Variants in ZFHX3 observed in about 807,000 individuals in gnomAD.
The protein encoded by ZFHX3 is zinc finger homeobox 3.
A neutral mutation model predicts 279.1 loss-of-function variants in ZFHX3; 42 were observed. The observed-to-expected ratio is 0.15, with a 90% CI of 0.12 to 0.19. The LOEUF is 0.19. Among genes scored for constraint, ZFHX3 ranks in the 10% least tolerant of loss-of-function variants. The pLI is 1.00. For missense variants in ZFHX3, 4,981 were observed against 4,754.0 expected (o/e 1.05, Z -1.40); for synonymous variants, 2,293 against 1,957.8 (o/e 1.17, Z -4.52).
intron 2 of ZFHX3, among the ~76,000 whole-genome samples, chr16:73,501,919 G>A (rs1448130080): frequency 6.6e-6 from 1 of 152,098 alleles, no homozygotes; most frequent in Non-Finnish European, 1.5e-5. Flanking sequence ...GAAGGACTTT[G>A]CAGAGGAAAG....
At chr16:73,017,474 C>G (rs976503856) in intron 1 of ZFHX3, among the ~76,000 whole-genome samples, 1 of 152,068 alleles carries the variant, frequency 6.6e-6, no homozygotes, top group Non-Finnish European at 1.5e-5. Context: ...TGGTGCCCTT[C>G]GCCAAGTCAT....
At chr16:73,265,267 G>T (rs979837290) in intron 4 of ZFHX3, among the ~76,000 whole-genome samples, 1 of 152,134 alleles carries the variant, frequency 6.6e-6, no homozygotes, top group African/African-American at 2.4e-5. Flanking sequence ...GGGCGGAATC[G>T]GCTGGGGATC....
chr16:73,575,325 A>G (rs1196006436), intron 2 of ZFHX3, among the ~76,000 whole-genome samples: 1 of 152,238 alleles, frequency 6.6e-6, no homozygotes, highest in South Asian at 2.1e-4. Context: ...GAAGCTGTGT[A>G]AGGAGTTGCT....
intron 1 of ZFHX3, among the ~76,000 whole-genome samples, chr16:73,797,897 T>C (rs1250234978): frequency 1.5e-5 from 2 of 137,914 alleles, no homozygotes; most frequent in Admixed American, 1.6e-4. Flanking sequence ...TCACTCAACC[T>C]CTTTCTCCTG....
chr16:73,253,636 T>C (rs1231525845), intron 5 of ZFHX3, among the ~76,000 whole-genome samples: 1 of 151,600 alleles, frequency 6.6e-6, no homozygotes, highest in East Asian at 1.9e-4. Flanking sequence ...TTTGTATTTT[T>C]AGTAGAGAAG....
rs371109302 is a variant in ZFHX3, at chr16:72,794,902, G to A, written c.7780C>T (p.Pro2594Ser). 22 of 1,613,954 alleles carry A rather than the reference G, an allele frequency of 1.4e-5. No homozygotes were observed. The highest frequency in any genetic ancestry group is 6.7e-5 in the African/African-American group (5 of 74,914). The change falls in exon 9 of 10, where the codon CCT becomes TCT. Residue 2594 changes from proline to serine, a missense_variant. Pro to Ser is a moderately conservative substitution (Grantham distance 74). Around this residue, in one of 7 missense-constraint regions of ZFHX3, gnomAD observed 744 missense variants for 701.3 expected, o/e 1.06. Coordinates refer to ENST00000268489, the MANE Select transcript of ZFHX3 (RefSeq NM_006885.4). The surrounding 1 kb of genome is among the most constrained non-coding windows in gnomAD (Gnocchi z 4.2). ...LASQLLSGAI[P>S]QIPASSATSP... ...GTGGCTGAGCTTGCTGGAATCTGAGGTATGGCCCCAGAGAGCAGCTGGCTG... is the reference window on the plus strand; with the variant it reads ...GTGGCTGAGCTTGCTGGAATCTGAGATATGGCCCCAGAGAGCAGCTGGCTG...
At chr16:73,171,438 C>T (rs1967520588) in intron 5 of ZFHX3, among the ~76,000 whole-genome samples, 1 of 129,892 alleles carries the variant, frequency 7.7e-6, no homozygotes, top group South Asian at 2.3e-4. Context: ...GCTTGGTCTA[C>T]AGTGAATGTG....
intron 2 of ZFHX3, among the ~76,000 whole-genome samples, chr16:73,544,435 C>T (rs544398688): frequency 4.2e-4 from 64 of 152,308 alleles, no homozygotes; most frequent in African/African-American, 1.4e-3. Context: ...AGGTCAGCGA[C>T]AGCCAAGCAG....
chr16:73,723,855 A>C (rs1400906116), intron 1 of ZFHX3, among the ~76,000 whole-genome samples: 2 of 152,186 alleles, frequency 1.3e-5, no homozygotes, highest in East Asian at 3.9e-4. Flanking sequence ...AGCAGCAAGA[A>C]GGGTGAGGAA....
chr16:73,189,381 C>T (rs187906228), intron 5 of ZFHX3, among the ~76,000 whole-genome samples: 78 of 152,286 alleles, frequency 5.1e-4, no homozygotes, highest in African/African-American at 1.9e-3. Flanking sequence ...GCTTCCTTTA[C>T]GTTTATTGCT....
At chr16:73,328,610 C>G (rs532741652) in intron 3 of ZFHX3, among the ~76,000 whole-genome samples, 9 of 152,192 alleles carry the variant, frequency 5.9e-5, no homozygotes, top group Non-Finnish European at 1.3e-4. Context: ...AGCTCAGACT[C>G]ACCTGTATCC....
intron 2 of ZFHX3, among the ~76,000 whole-genome samples, chr16:73,497,149 C>T (rs2019155549): frequency 6.6e-6 from 1 of 152,214 alleles, no homozygotes. Context: ...ATAGGTTCTG[C>T]CTTCCTGGCC....
intron 5 of ZFHX3, among the ~76,000 whole-genome samples, chr16:73,188,795 G>C (rs1004769981): frequency 6.6e-6 from 1 of 151,996 alleles, no homozygotes; most frequent in African/African-American, 2.4e-5. Context: ...AACAAATCCT[G>C]AAACACTTAG....
At chr16:73,821,550 T>C (rs28499530) in intron 1 of ZFHX3, among the ~76,000 whole-genome samples, 5,585 of 152,288 alleles carry the variant, frequency 0.037, 365 homozygotes, top group African/African-American at 0.13. Context: ...AGGACTGTTA[T>C]GACAACTTGA....
intron 3 of ZFHX3, among the ~76,000 whole-genome samples, chr16:73,445,288 A>G (rs7501055): frequency 1.0e-5 from 1 of 100,040 alleles, no homozygotes; most frequent in Non-Finnish European, 2.2e-5. Flanking sequence ...GTGTGTATAT[A>G]TATATGTATA....
At chr16:73,840,376 T>C (rs1003610408) in intron 1 of ZFHX3, among the ~76,000 whole-genome samples, 1 of 152,190 alleles carries the variant, frequency 6.6e-6, no homozygotes, top group Non-Finnish European at 1.5e-5. Flanking sequence ...TAATGGTTCA[T>C]ACACAACCCT....
intron 7 of ZFHX3, among the ~76,000 whole-genome samples, chr16:73,120,074 C>T (rs1966477757): frequency 6.6e-6 from 1 of 152,086 alleles, no homozygotes; most frequent in Admixed American, 6.6e-5. Context: ...GCTCAATTTC[C>T]CCCATACTAA....
At position 72,783,234 on chromosome 16, in the gene ZFHX3, C is replaced by G. The variant is rs1033460553; in HGVS notation, c.*3930G>C. The G allele has an allele frequency of 6.6e-6, 1 of 151,382 alleles. No individual in the cohort carries two copies. The highest frequency in any genetic ancestry group is 1.5e-5 in the Non-Finnish European group (1 of 67,856). The allele number at this position is 151,382 out of a possible 1,614,324, so 9.4% of individuals were successfully genotyped here. On this transcript the variant is annotated 3_prime_UTR_variant, in exon 10 of 10. Coordinates refer to ENST00000268489, the MANE Select transcript of ZFHX3 (RefSeq NM_006885.4). ...CATTGCAAAGGCTGTTCATATACCT[C>G]TTCACCTCAGGGTCACGTTCATTTA...
chr16:73,518,383 T>C (rs1249188009), intron 2 of ZFHX3, among the ~76,000 whole-genome samples: 21 of 152,242 alleles, frequency 1.4e-4, no homozygotes, highest in Admixed American at 1.4e-3. Flanking sequence ...ATTAGTTCCT[T>C]TTTTATTGCC....
Sources: gnomAD v4.1 joint callset for allele counts (sites outside exome capture counted in the v4.1 genomes callset) on GRCh38, gnomAD v4.1.1 for gene constraint, gnomAD v4.1.1 regional missense constraint, Gnocchi (gnomAD v3.1) non-coding constraint, MANE v1.5 for transcripts, NCBI Gene and HGNC (gene_info 2026-07-23, HGNC 2026-07-21) for gene names.